The following SNX13 variants were observed in gnomAD, a reference collection of about 807,000 sequenced individuals.
The protein encoded by SNX13 is sorting nexin-13.
In SNX13, 45 loss-of-function variants were observed where a neutral mutation model predicts 133.6. That is an observed-to-expected ratio of 0.34 (90% confidence interval 0.27 to 0.43). The LOEUF is 0.43. Ranked by LOEUF, SNX13 falls within the 20% of genes least tolerant of loss-of-function variation. SNX13 has a pLI of 1.00. For missense variants in SNX13, 1,032 were observed against 1,145.1 expected (o/e 0.90, Z 1.43); for synonymous variants, 414 against 373.9 (o/e 1.11, Z -1.24).
At chr7:17,847,015 T>C (rs1244060660) in intron 11 of SNX13, among the ~76,000 whole-genome samples, 4 of 152,126 alleles carry the variant, frequency 2.6e-5, no homozygotes, top group African/African-American at 7.2e-5. Flanking sequence ...CAAAATGGAA[T>C]TGACAGGCTT....
intron 1 of SNX13, among the ~76,000 whole-genome samples, chr7:17,904,496 G>A (rs557671347): frequency 1.5e-4 from 22 of 151,630 alleles, no homozygotes; most frequent in Non-Finnish European, 1.3e-4. Context: ...GTGGAGAGTG[G>A]GGGTTAAGTG....
At position 17,850,371 on chromosome 7, in the gene SNX13, T is replaced by G; in HGVS notation, c.1041A>C (p.Arg347Ser). ...LLFVKKVCDSRIQRLQSGKEI... is the reference protein window; with the variant it reads ...LLFVKKVCDSSIQRLQSGKEI... ...CTTTGCCTGACTGCAATCGCTGTAT[T>G]CTTGAGTCACATACCTTCTTTACGA... The change falls in exon 11 of 26, where the codon AGA (arginine) becomes AGC (serine). Residue 347 changes from arginine (R) to serine (S), a missense_variant. Transcript: ENST00000428135. The G allele has an allele frequency of 6.3e-7, 1 of 1,598,136 alleles. No homozygotes were observed. The highest frequency in any genetic ancestry group is 1.3e-5 in the African/African-American group (1 of 74,768).
At chr7:17,885,297 C>CAAAAAA (rs369504773) in intron 5 of SNX13, among the ~76,000 whole-genome samples, 1 of 121,068 alleles carries the variant, frequency 8.3e-6, no homozygotes, top group Non-Finnish European at 1.8e-5. Context: ...TCCATAGAGA[C>CAAAAAA]AAAAAAAAAA....
intron 20 of SNX13, among the ~76,000 whole-genome samples, chr7:17,805,265 G>GCGCGCGCGCGCGCGCGCGCGCGCA (rs771908159): frequency 4.1e-5 from 6 of 146,004 alleles, no homozygotes; most frequent in South Asian, 2.2e-4. Flanking sequence ...GCGCGCGCGC[G>GCGCGCGCGCGCGCGCGCGCGCGCA]CATGCATGCA....
intron 13 of SNX13, among the ~76,000 whole-genome samples, chr7:17,837,531 C>T (rs906953329): frequency 5.9e-5 from 9 of 151,866 alleles, no homozygotes; most frequent in African/African-American, 9.7e-5. Flanking sequence ...AATTTGATTT[C>T]GGTGCTCCAA....
intron 1 of SNX13, among the ~76,000 whole-genome samples, chr7:17,935,205 G>A (rs1801884372): frequency 6.6e-6 from 1 of 152,198 alleles, no homozygotes; most frequent in Non-Finnish European, 1.5e-5. Flanking sequence ...AGGAAATTCT[G>A]TCACTTGCTA....
Position 17,794,257 on chromosome 7 carries a change from G to C in SNX13, c.2662C>G (p.Arg888Gly). Residue 888 changes from arginine to glycine, a missense_variant, in exon 26 of 26, where the codon CGG becomes GGG. Coordinates refer to ENST00000428135, the MANE Select transcript of SNX13 (RefSeq NM_015132.5). ...LKHIIGAETT[R>G]KGILRVFEMF... ...TCAAAAACACGAAGAATACCTTTCC[G>C]TGTTGTCTCAGCCCCAATAATGTGC... 6.2e-7 allele frequency: 1 copy of C among 1,611,382 alleles called. No individual in the cohort carries two copies. The highest frequency in any genetic ancestry group is 8.5e-7 in the Non-Finnish European group (1 of 1,178,362).
At chr7:17,807,554 C>T (rs1450965292) in intron 20 of SNX13, among the ~76,000 whole-genome samples, 1 of 152,222 alleles carries the variant, frequency 6.6e-6, no homozygotes, top group African/African-American at 2.4e-5. Flanking sequence ...CATGCTTAAA[C>T]GTTCCTGCCT....
At chr7:17,926,127 A>G (rs1464024415) in intron 1 of SNX13, among the ~76,000 whole-genome samples, 1 of 98,668 alleles carries the variant, frequency 1.0e-5, no homozygotes, top group African/African-American at 3.3e-5. Context: ...GGGCACATCC[A>G]TAGAGCTAAG....
chr7:17,891,131 G>A (rs557229968), intron 4 of SNX13, among the ~76,000 whole-genome samples: 15 of 151,748 alleles, frequency 9.9e-5, no homozygotes, highest in African/African-American at 3.6e-4. Context: ...AATATTTCAG[G>A]GGGCATAGTT....
intron 13 of SNX13, among the ~76,000 whole-genome samples, chr7:17,836,699 TACA>T (rs1009126452): frequency 7.9e-5 from 12 of 152,002 alleles, no homozygotes; most frequent in African/African-American, 2.7e-4. Flanking sequence ...GTGAGAAAAA[TACA>T]ACAATATGTA....
chr7:17,803,557 A>G lies in SNX13; in HGVS notation c.2088T>C (p.Leu696=), dbSNP rs1407748173. The G allele has an allele frequency of 1.9e-6, 3 of 1,610,418 alleles. No homozygotes were observed. Among genetic ancestry groups the G allele is most frequent in the Non-Finnish European group, 2.5e-6 (3 of 1,178,320 alleles). ...ARKMDTFVNP[L]RNSMRNVSNA... is the part of the protein sequence containing the mutation. ...TTGAAACATTCCTCATTGAATTGCG[A>G]AGTGGATTTACAAAAGTGTCCATCT... The change falls in exon 21 of 26, where the codon CTT becomes CTC. Residue 696 remains leucine (L), a synonymous_variant. Coordinates refer to ENST00000428135, the MANE Select transcript of SNX13 (RefSeq NM_015132.5).
chr7:17,813,280 A>T (rs1786268381), intron 20 of SNX13, among the ~76,000 whole-genome samples: 1 of 152,236 alleles, frequency 6.6e-6, no homozygotes, highest in Non-Finnish European at 1.5e-5. Context: ...AGGAGAAAAG[A>T]TATATAAACA....
chr7:17,805,076 T>A (rs911037561), intron 20 of SNX13, among the ~76,000 whole-genome samples: 5 of 152,174 alleles, frequency 3.3e-5, no homozygotes, highest in African/African-American at 9.6e-5. Flanking sequence ...TAGAAGAGAC[T>A]GTCACAGTAC....
intron 13 of SNX13, among the ~76,000 whole-genome samples, chr7:17,835,629 A>T (rs150159088): frequency 1.6e-3 from 246 of 152,128 alleles, no homozygotes; most frequent in African/African-American, 5.6e-3. Flanking sequence ...TGGAGAGTAA[A>T]TGAGTCCTAG....
chr7:17,825,789 G>C (rs12537298), intron 17 of SNX13, among the ~76,000 whole-genome samples: 10,405 of 152,032 alleles, frequency 0.068, 488 homozygotes, highest in South Asian at 0.15. Flanking sequence ...AGAAATAGTA[G>C]AACACTTAGA....
At chr7:17,894,913 T>C (rs1007624345) in intron 2 of SNX13, among the ~76,000 whole-genome samples, 2 of 152,166 alleles carry the variant, frequency 1.3e-5, no homozygotes, top group Non-Finnish European at 2.9e-5. Context: ...GTTGAGAACA[T>C]GGATAAAGTC....
chr7:17,833,907 T>C (rs1788816939), intron 15 of SNX13, 145 bp downstream of exon 15: 1 of 507,412 alleles, frequency 2.0e-6, no homozygotes, highest in Admixed American at 4.3e-5. Context: ...TCACTAAACT[T>C]TGTCATTCAT....
chr7:17,797,085 T>C lies in SNX13; in HGVS notation c.2514-146A>G, dbSNP rs1335652939. 5 of 646,114 alleles carry C rather than the reference T, an allele frequency of 7.7e-6. No homozygotes were observed. In the East Asian group the frequency reaches 1.4e-4, roughly 18 times the overall value. 40.0% of individuals were successfully genotyped at this position (646,114 alleles called of 1,614,324 possible). A position where few individuals can be genotyped will look rare whatever the true frequency, so the allele number is the denominator to read the frequency against. ...TAATAACATATAGCTATAATGATATTCAAGAAAGATCAACTAAGTGTAGGG... is the reference window on the plus strand; with the variant it reads ...TAATAACATATAGCTATAATGATATCCAAGAAAGATCAACTAAGTGTAGGG... On this transcript the variant is annotated intron_variant, in intron 24 of 25. Transcript: ENST00000428135.
Sources: gnomAD v4.1 joint callset for allele counts (sites outside exome capture counted in the v4.1 genomes callset) on GRCh38, gnomAD v4.1.1 for gene constraint, MANE v1.5 for transcripts, NCBI Gene and HGNC (gene_info 2026-07-23, HGNC 2026-07-21) for gene names.